Variants in KCNH1 observed in about 807,000 individuals in gnomAD.
KCNH1 encodes potassium voltage-gated channel subfamily H member 1, also known as voltage-gated delayed rectifier potassium channel KCNH1.
KCNH1 carries 27 observed loss-of-function variants against 69.2 expected under a neutral mutation model. The observed-to-expected ratio is 0.39, with a 90% CI of 0.29 to 0.54. The LOEUF is 0.54. Among genes scored for constraint, KCNH1 ranks in the 20% least tolerant of loss-of-function variants. KCNH1 has a pLI of 0.68. For synonymous variants in KCNH1, 456 were observed against 487.7 expected (o/e 0.93, Z 0.86); for missense variants, 798 against 1,261.6 (o/e 0.63, Z 5.57).
chr1:211,092,283 A>T (rs1250978540), intron 3 of KCNH1, among the ~76,000 whole-genome samples: 10 of 152,162 alleles, frequency 6.6e-5, no homozygotes, highest in Admixed American at 6.5e-4. Flanking sequence ...CAGACAGACA[A>T]CTCTGATTAA....
At chr1:211,129,645 A>G (rs1036331102) in intron 1 of KCNH1, among the ~76,000 whole-genome samples, 1 of 152,206 alleles carries the variant, frequency 6.6e-6, no homozygotes. Context: ...GTAATAATCC[A>G]GATTATCATC....
chr1:210,909,098 G>A (rs1238555180), intron 7 of KCNH1, among the ~76,000 whole-genome samples: 2 of 152,210 alleles, frequency 1.3e-5, no homozygotes, highest in Non-Finnish European at 2.9e-5. Flanking sequence ...TCACAATGGG[G>A]AAAAGCGAAA....
chr1:210,840,074 T>C (rs1164334891), intron 7 of KCNH1, among the ~76,000 whole-genome samples: 5 of 152,142 alleles, frequency 3.3e-5, no homozygotes, highest in African/African-American at 1.2e-4. Flanking sequence ...AAATACCTGA[T>C]CATGTATTTA....
intron 10 of KCNH1, among the ~76,000 whole-genome samples, chr1:210,699,474 C>T (rs1417751853): frequency 1.3e-5 from 2 of 152,238 alleles, no homozygotes; most frequent in Non-Finnish European, 2.9e-5. Flanking sequence ...GAGAAGCCGT[C>T]TTTGGAGCAG....
rs577172041 is a variant in KCNH1 at position 210,917,067 on chromosome 1, G to GC, written c.1462+2572_1462+2573insG. The stretch of plus-strand genomic sequence containing the variant: ...GGAGGCTAAGGCAGGAGAATCACTT[G>GC]AACCCAAGAAGCAGAGGTTGCAGTG... On this transcript the variant is annotated intron_variant, in intron 7 of 10. Transcript: ENST00000271751. Among the ~76,000 whole-genome samples, 39 of 151,960 alleles carry GC rather than the reference G, an allele frequency of 2.6e-4. No individual in the cohort carries two copies. The East Asian group carries it at 6.2e-3, about 24-fold the overall frequency.
At chr1:210,967,042 AC>A (rs1415846342) in intron 6 of KCNH1, among the ~76,000 whole-genome samples, 1 of 152,160 alleles carries the variant, frequency 6.6e-6, no homozygotes, top group Non-Finnish European at 1.5e-5. Flanking sequence ...GCCATAAAAA[AC>A]GATTGAGTTC....
intron 10 of KCNH1, among the ~76,000 whole-genome samples, chr1:210,745,459 G>A (rs1357625176): frequency 2.0e-5 from 3 of 152,144 alleles, no homozygotes; most frequent in Non-Finnish European, 4.4e-5. Context: ...GCCTGCTTCT[G>A]AAAGTAGCCA....
chr1:210,962,817 G>A (rs970619778), intron 6 of KCNH1, among the ~76,000 whole-genome samples: 4 of 150,564 alleles, frequency 2.7e-5, no homozygotes, highest in Non-Finnish European at 5.9e-5. Context: ...TCACATGCTT[G>A]TTATTTCAGG....
At chr1:211,033,041 C>A (rs1263527225) in intron 5 of KCNH1, among the ~76,000 whole-genome samples, 3 of 152,092 alleles carry the variant, frequency 2.0e-5, no homozygotes, top group Admixed American at 2.0e-4. Context: ...CCAGAATCTA[C>A]AATGAACTCA....
chr1:210,985,413 G>A (rs1419040262), intron 6 of KCNH1, among the ~76,000 whole-genome samples: 5 of 151,982 alleles, frequency 3.3e-5, no homozygotes, highest in Admixed American at 3.3e-4. Context: ...TTCTCTTGTG[G>A]GCATGTAGTG....
At chr1:211,086,712 A>G (rs1690958982) in intron 4 of KCNH1, among the ~76,000 whole-genome samples, 1 of 152,114 alleles carries the variant, frequency 6.6e-6, no homozygotes, top group Non-Finnish European at 1.5e-5. Flanking sequence ...ATGAGCCTGA[A>G]TCTTTCTTTT....
chr1:210,723,896 G>A (rs1330012075), intron 10 of KCNH1, among the ~76,000 whole-genome samples: 1 of 152,054 alleles, frequency 6.6e-6, no homozygotes, highest in Non-Finnish European at 1.5e-5. Flanking sequence ...TCTGTTCTAC[G>A]AGTGAGATGA....
chr1:210,742,188 A>G (rs778388128), intron 10 of KCNH1, among the ~76,000 whole-genome samples: 24 of 152,238 alleles, frequency 1.6e-4, no homozygotes, highest in Non-Finnish European at 3.4e-4. Flanking sequence ...TCTAGTCACC[A>G]TGAATTCTGA....
intron 6 of KCNH1, among the ~76,000 whole-genome samples, chr1:210,972,935 A>AAC (rs2102368763): frequency 6.6e-6 from 1 of 151,518 alleles, no homozygotes; most frequent in Non-Finnish European, 1.5e-5. Context: ...TCAAAAAAAA[A>AAC]AAAAAAAGTA....
chr1:211,084,520 G>A (rs1026551909), intron 4 of KCNH1, among the ~76,000 whole-genome samples: 2 of 152,142 alleles, frequency 1.3e-5, no homozygotes, highest in Non-Finnish European at 2.9e-5. Flanking sequence ...CTGGACCTCT[G>A]GTCATTTCCC....
At chr1:210,853,035 A>G (rs1309616684) in intron 7 of KCNH1, among the ~76,000 whole-genome samples, 1 of 152,168 alleles carries the variant, frequency 6.6e-6, no homozygotes, top group Non-Finnish European at 1.5e-5. Flanking sequence ...GCATGAATAT[A>G]AGGCCACTCA....
At chr1:210,709,305 T>C (rs1478958750) in intron 10 of KCNH1, among the ~76,000 whole-genome samples, 1 of 152,186 alleles carries the variant, frequency 6.6e-6, no homozygotes, top group East Asian at 1.9e-4. Flanking sequence ...GATGTGTTGA[T>C]GAAGGCAGAG....
chr1:210,957,873 C>A (rs534494331), intron 6 of KCNH1, among the ~76,000 whole-genome samples: 11 of 152,222 alleles, frequency 7.2e-5, no homozygotes, highest in Non-Finnish European at 1.6e-4. Flanking sequence ...ATCCAATTTG[C>A]CAGTCTGTGT....
chr1:210,782,859 A>C (rs1229919725), intron 9 of KCNH1, among the ~76,000 whole-genome samples: 5 of 152,226 alleles, frequency 3.3e-5, no homozygotes, highest in African/African-American at 1.2e-4. Context: ...CAGGACACCA[A>C]ATCTGCTGGC....
Sources: allele counts gnomAD v4.1 joint callset (sites outside exome capture counted in the v4.1 genomes callset), GRCh38; gene constraint gnomAD v4.1.1; transcripts MANE v1.5; gene names NCBI Gene and HGNC (gene_info 2026-07-23, HGNC 2026-07-21).